DIS3L2: variants seen among roughly 807,000 people sequenced by gnomAD.
DIS3L2 encodes the protein DIS3-like exonuclease 2.
Under a neutral mutation model 97.5 loss-of-function variants are expected in DIS3L2, and 34 were observed. The observed-to-expected ratio is 0.35, with a 90% CI of 0.27 to 0.46. DIS3L2 has a LOEUF of 0.46. Among genes scored for constraint, DIS3L2 ranks in the 20% least tolerant of loss-of-function variants. The pLI is 1.00. For missense variants in DIS3L2, 1,038 were observed against 1,146.0 expected, an observed-to-expected ratio of 0.91 and a Z score of 1.36; for synonymous variants, 435 against 445.2, an observed-to-expected ratio of 0.98 and a Z score of 0.29.
At chr2:232,134,212 T>G (rs1269537338) in intron 7 of DIS3L2, among the ~76,000 whole-genome samples, 1 of 151,958 alleles carries the variant, frequency 6.6e-6, no homozygotes. Flanking sequence ...AGAAGAAGAT[T>G]GAACATTCAG....
At chr2:232,216,563 C>T (rs958795867) in intron 10 of DIS3L2, among the ~76,000 whole-genome samples, 2 of 152,136 alleles carry the variant, frequency 1.3e-5, no homozygotes, top group African/African-American at 4.8e-5. Context: ...CTGATTCCAC[C>T]CCTCTCACCT....
intron 5 of DIS3L2, among the ~76,000 whole-genome samples, chr2:232,042,202 A>G (rs1159527941): frequency 6.6e-6 from 1 of 152,118 alleles, no homozygotes; most frequent in African/African-American, 2.4e-5. Flanking sequence ...CTAATTTTCA[A>G]TGGTTGTTTC....
chr2:232,213,002 C>T (rs1275817944), intron 10 of DIS3L2, among the ~76,000 whole-genome samples: 1 of 152,044 alleles, frequency 6.6e-6, no homozygotes, highest in African/African-American at 2.4e-5. Context: ...AGTTGTCTGT[C>T]TGATGTTATT....
At chr2:232,062,458 A>G (rs1695739162) in intron 5 of DIS3L2, among the ~76,000 whole-genome samples, 1 of 152,216 alleles carries the variant, frequency 6.6e-6, no homozygotes, top group Admixed American at 6.5e-5. Flanking sequence ...ATCAATTACT[A>G]TAATTATTTA....
intron 6 of DIS3L2, among the ~76,000 whole-genome samples, chr2:232,110,589 A>G (rs1308048269): frequency 6.6e-6 from 1 of 152,200 alleles, no homozygotes; most frequent in African/African-American, 2.4e-5. Context: ...TTAGCAAACT[A>G]ATGCAGGAAC....
intron 10 of DIS3L2, among the ~76,000 whole-genome samples, chr2:232,232,314 G>A (rs1233896049): frequency 1.3e-5 from 2 of 152,200 alleles, no homozygotes; most frequent in Non-Finnish European, 2.9e-5. Context: ...GCCTCTGGAG[G>A]GTGTAGATGG....
At chr2:232,068,286 G>T (rs1695905563) in intron 5 of DIS3L2, among the ~76,000 whole-genome samples, 2 of 151,908 alleles carry the variant, frequency 1.3e-5, no homozygotes, top group African/African-American at 4.8e-5. Context: ...AATATATGAG[G>T]GTGGGCCAAG....
rs1264872188 is a variant in DIS3L2, at chr2:232,325,580, C to T, written c.1740-4233C>T. Among the ~76,000 whole-genome samples, 1 of 152,146 alleles carries T rather than the reference C, an allele frequency of 6.6e-6. No individual in the cohort carries two copies. Among genetic ancestry groups the T allele is most frequent in the Non-Finnish European group, 1.5e-5 (1 of 68,006 alleles). On this transcript the variant is annotated intron_variant, in intron 14 of 20. Coordinates refer to ENST00000325385, the MANE Select transcript of DIS3L2 (RefSeq NM_152383.5). This position sits in a 1 kb window ranked among gnomAD's most constrained non-coding sequence, Gnocchi z 4.6. ...CCGAGGAGCTGGGGTCCTGGCCCTG[C>T]AGCCACTGTCACAGCACAGCCCCAC...
chr2:232,310,881 G>A (rs1481747799), intron 14 of DIS3L2, among the ~76,000 whole-genome samples: 1 of 152,246 alleles, frequency 6.6e-6, no homozygotes, highest in East Asian at 1.9e-4. Flanking sequence ...CTCCTCTGGA[G>A]TCACAGTCAC....
chr2:232,220,058 C>T (rs954441561), intron 10 of DIS3L2, among the ~76,000 whole-genome samples: 2 of 151,716 alleles, frequency 1.3e-5, no homozygotes. Context: ...GCTCACTTAA[C>T]GCCAAGAGTT....
chr2:231,979,377 C>T (rs1283194819), intron 1 of DIS3L2, among the ~76,000 whole-genome samples: 2 of 151,832 alleles, frequency 1.3e-5, no homozygotes, highest in African/African-American at 2.4e-5. Flanking sequence ...CCATCTCAGC[C>T]TCCCGAGTAG....
chr2:232,298,286 A>C (rs1475835126), intron 13 of DIS3L2, among the ~76,000 whole-genome samples: 4 of 152,226 alleles, frequency 2.6e-5, no homozygotes, highest in Admixed American at 2.6e-4. Context: ...GATTTTTCTA[A>C]GCTATAAATT....
At chr2:232,120,803 C>G (rs1374995475) in intron 6 of DIS3L2, among the ~76,000 whole-genome samples, 5 of 151,976 alleles carry the variant, frequency 3.3e-5, no homozygotes, top group Non-Finnish European at 7.4e-5. Context: ...ATCTCCTCCC[C>G]TCCTGCATTT....
At chr2:232,046,073 A>G (rs1356281927) in intron 5 of DIS3L2, among the ~76,000 whole-genome samples, 1 of 152,174 alleles carries the variant, frequency 6.6e-6, no homozygotes, top group Non-Finnish European at 1.5e-5. Flanking sequence ...GCTATCTAAG[A>G]TGAGCTGGAC....
chr2:232,093,495 T>G (rs1318714571), intron 6 of DIS3L2, among the ~76,000 whole-genome samples: 2 of 152,178 alleles, frequency 1.3e-5, no homozygotes, highest in African/African-American at 2.4e-5. Context: ...TTGGTAGAAT[T>G]CAATAGTGAA....
At chr2:231,982,527 GTAGA>G (rs1693291225) in intron 1 of DIS3L2, among the ~76,000 whole-genome samples, 1 of 152,070 alleles carries the variant, frequency 6.6e-6, no homozygotes, top group Non-Finnish European at 1.5e-5. Context: ...TTAGTGTGAA[GTAGA>G]TAAAGAATGT....
intron 14 of DIS3L2, among the ~76,000 whole-genome samples, chr2:232,306,143 A>G (rs1473301841): frequency 3.9e-5 from 6 of 152,204 alleles, no homozygotes; most frequent in Non-Finnish European, 7.3e-5. Flanking sequence ...GGTAGGCCAC[A>G]TTCTGACTCC....
At chr2:231,979,224 T>C (rs1693180236) in intron 1 of DIS3L2, among the ~76,000 whole-genome samples, 1 of 151,994 alleles carries the variant, frequency 6.6e-6, no homozygotes, top group Non-Finnish European at 1.5e-5. Flanking sequence ...TTAAGCCACC[T>C]ACAGTTTATT....
chr2:232,183,277 CAG>C (rs1305338900), intron 9 of DIS3L2, among the ~76,000 whole-genome samples: 2 of 152,202 alleles, frequency 1.3e-5, no homozygotes, highest in African/African-American at 2.4e-5. Context: ...CTCAAACAAA[CAG>C]AGACAGTTTG....
Sources: allele counts gnomAD v4.1 joint callset (sites outside exome capture counted in the v4.1 genomes callset), GRCh38; gene constraint gnomAD v4.1.1; non-coding constraint Gnocchi (gnomAD v3.1); transcripts MANE v1.5; gene names NCBI Gene and HGNC (gene_info 2026-07-23, HGNC 2026-07-21).